The following STK10 variants were observed in gnomAD, a reference collection of about 807,000 sequenced individuals.
STK10 encodes the protein serine/threonine-protein kinase 10.
STK10 carries 78 observed loss-of-function variants against 113.8 expected under a neutral mutation model. That is an observed-to-expected ratio of 0.69 (90% CI 0.57 to 0.83). The LOEUF (loss-of-function observed/expected upper bound fraction) is 0.83, where lower values mean the gene tolerates loss of function less well. Among genes scored for constraint, STK10 ranks in the 40% least tolerant of loss-of-function variants. The pLI is 0.00. For missense variants in STK10, 1,109 were observed against 1,280.1 expected, an observed-to-expected ratio of 0.87 and a Z score of 2.04; for synonymous variants, 465 against 494.7, an observed-to-expected ratio of 0.94 and a Z score of 0.80.
chr5:172,093,748 C>T lies in STK10; in HGVS notation c.1218G>A (p.Val406=). 1.2e-6 allele frequency: 2 copies of T among 1,611,996 alleles called. No homozygotes were observed. The highest frequency in any genetic ancestry group is 1.7e-4 in the Middle Eastern group (1 of 6,052). ...VAPGNENGLA[V]PVPLRKSRPV... ...GTCGGGACTTCCGCAGGGGCACAGG[C>T]ACTGCCAGGCCGTTCTCATTTCCAG... Residue 406 remains valine (V), a synonymous_variant, in exon 9 of 19, where the codon GTG becomes GTA. Transcript: ENST00000176763. This position sits in a 1 kb window ranked among gnomAD's most constrained non-coding sequence, Gnocchi z 4.1.
chr5:172,168,859 C>G (rs965470236), intron 1 of STK10, among the ~76,000 whole-genome samples: 2 of 152,126 alleles, frequency 1.3e-5, no homozygotes, highest in African/African-American at 4.8e-5. Context: ...CCTCCTTCCC[C>G]TCTTTCCCTC....
chr5:172,184,107 C>G (rs1433400478), intron 1 of STK10, among the ~76,000 whole-genome samples: 1 of 152,178 alleles, frequency 6.6e-6, no homozygotes, highest in African/African-American at 2.4e-5. Flanking sequence ...AGTCCCTCCT[C>G]AGCTCCCTGC....
intron 2 of STK10, among the ~76,000 whole-genome samples, chr5:172,136,597 AAAATAAAT>A (rs58897747): frequency 0.099 from 15,030 of 151,178 alleles, 2,535 homozygotes; most frequent in African/African-American, 0.35. Context: ...ACTCCGTCTC[AAAATAAAT>A]AAATAAATAA....
chr5:172,136,628 A>C (rs1561821171), intron 2 of STK10, among the ~76,000 whole-genome samples: 2 of 152,104 alleles, frequency 1.3e-5, no homozygotes, highest in Non-Finnish European at 2.9e-5. Context: ...AAATAAAGTA[A>C]AGAAGTGAAA....
At position 172,082,250 on chromosome 5, in the gene STK10, GAGGC is replaced by G. The variant is rs1697322342; in HGVS notation, c.1989+72_1989+75del. On this transcript the variant is annotated intron_variant, in intron 12 of 18. Coordinates refer to ENST00000176763, the MANE Select transcript of STK10 (RefSeq NM_005990.4). This position sits in a 1 kb window ranked among gnomAD's most constrained non-coding sequence, Gnocchi z 4.3. ...ACCCCTCTGCTGCCAAGGTGAGGTT[GAGGC>G]CACGATCACTTGCAACCAAGAAGGC... 7.0e-7 allele frequency: 1 copy of G among 1,423,174 alleles called. No individual in the cohort carries two copies. The highest frequency in any genetic ancestry group is 9.2e-7 in the Non-Finnish European group (1 of 1,083,334). The allele number at this position is 1,423,174 out of a possible 1,614,324, so 88.2% of individuals were successfully genotyped here.
At chr5:172,052,493 T>C (rs1561787699) in intron 18 of STK10, among the ~76,000 whole-genome samples, 1 of 152,108 alleles carries the variant, frequency 6.6e-6, no homozygotes, top group Non-Finnish European at 1.5e-5. Context: ...TAAACGGGCG[T>C]TGGTTTAAGC....
At chr5:172,076,839 C>G (rs903434122) in intron 12 of STK10, among the ~76,000 whole-genome samples, 3 of 152,122 alleles carry the variant, frequency 2.0e-5, no homozygotes, top group Non-Finnish European at 4.4e-5. Context: ...TTAAAGGCCT[C>G]ACGAGCTTAA....
rs200484975 is a variant in STK10, at chr5:172,070,248, C to CA, written c.1990-5437dup. The stretch of plus-strand genomic sequence containing the variant: ...GGGCGACAAGAGCAAAATTCCACCT[C>CA]AAAAAAATATATATCTATATATCTA... On this transcript the variant is annotated intron_variant, in intron 12 of 18. Coordinates refer to ENST00000176763, the MANE Select transcript of STK10 (RefSeq NM_005990.4). Among the ~76,000 whole-genome samples, 1,185 of 144,154 alleles carry CA rather than the reference C, an allele frequency of 8.2e-3. 15 individuals are homozygous for CA. The highest frequency in any genetic ancestry group is 0.029 in the African/African-American group (1,122 of 38,356). The allele number at this position is 144,154 out of a possible 152,430, so 94.6% of individuals were successfully genotyped here.
Position 172,118,878 on chromosome 5 carries a change from C to CAAAAAAA in STK10, c.371-1255_371-1249dup, listed in dbSNP as rs3028101. Among the ~76,000 whole-genome samples, 44 of 71,304 alleles carry CAAAAAAA rather than the reference C, an allele frequency of 6.2e-4. 2 individuals carry two copies. Among genetic ancestry groups the CAAAAAAA allele is most frequent in the East Asian group, 1.2e-3 (3 of 2,412 alleles). 46.8% of individuals were successfully genotyped at this position (71,304 alleles called of 152,430 possible). A position where few individuals can be genotyped will look rare whatever the true frequency, so the allele number is the denominator to read the frequency against. ...TGGGTGACAGAGCGAGACTCAGTCT[C>CAAAAAAA]AAAAAAAAAAAAAAAAAAAGTGTCC... On this transcript the variant is annotated intron_variant, in intron 3 of 18. Transcript: ENST00000176763.
intron 7 of STK10, among the ~76,000 whole-genome samples, chr5:172,105,240 C>T (rs1769072443): frequency 6.6e-6 from 1 of 151,388 alleles, no homozygotes; most frequent in African/African-American, 2.4e-5. Flanking sequence ...CCTCCTCTCC[C>T]TCTGGGCCAC....
chr5:172,148,925 C>T (rs2113808737), intron 2 of STK10, among the ~76,000 whole-genome samples: 1 of 152,372 alleles, frequency 6.6e-6, no homozygotes, highest in East Asian at 1.9e-4. Context: ...GTGGCTCACG[C>T]CTATAATCCC....
At position 172,082,179 on chromosome 5, in the gene STK10, T is replaced by C; in HGVS notation, c.1989+147A>G. 1.2e-6 allele frequency: 1 copy of C among 814,790 alleles called. No homozygotes were observed. Among genetic ancestry groups the C allele is most frequent in the Non-Finnish European group, 1.7e-6 (1 of 574,264 alleles). 50.5% of individuals were successfully genotyped at this position (814,790 alleles called of 1,614,324 possible). ...AGAAGTGGCTCCTCATGGCGCAGCT[T>C]GGGCACACAGATCCAGGCTCACCTG... On this transcript the variant is annotated intron_variant, in intron 12 of 18. Coordinates refer to ENST00000176763, the MANE Select transcript of STK10 (RefSeq NM_005990.4). The surrounding 1 kb of genome is among the most constrained non-coding windows in gnomAD (Gnocchi z 4.3).
intron 4 of STK10, among the ~76,000 whole-genome samples, chr5:172,116,090 TGTTTTC>T (rs1430991875): frequency 1.3e-5 from 2 of 152,154 alleles, no homozygotes; most frequent in Non-Finnish European, 2.9e-5. Flanking sequence ...TTTTTGTTTT[TGTTTTC>T]GTGAAACAGG....
chr5:172,097,724 C>T (rs976964455), intron 7 of STK10, among the ~76,000 whole-genome samples: 1 of 152,066 alleles, frequency 6.6e-6, no homozygotes, highest in African/African-American at 2.4e-5. Flanking sequence ...GAGACATTCT[C>T]GTATATGTCT....
rs375937221 is a variant in STK10 at position 172,188,072 on chromosome 5, C to G, written c.-30G>C. On this transcript the variant is annotated 5_prime_UTR_variant, in exon 1 of 19. Coordinates refer to ENST00000176763, the MANE Select transcript of STK10 (RefSeq NM_005990.4). The surrounding 1 kb of genome is among the most constrained non-coding windows in gnomAD (Gnocchi z 5.6). The stretch of plus-strand genomic sequence containing the variant: ...GGGGGCGCGGTGGCGCCGGCTCGGG[C>G]TCGGGCTCGGGCTCGGGCTGTGGCT... The G allele has an allele frequency of 8.8e-6, 14 of 1,595,950 alleles. No homozygotes were observed. The South Asian group carries it at 1.5e-4, about 17-fold the overall frequency.
intron 1 of STK10, among the ~76,000 whole-genome samples, chr5:172,166,989 G>A (rs1384319468): frequency 6.6e-6 from 1 of 151,846 alleles, no homozygotes; most frequent in African/African-American, 2.4e-5. Flanking sequence ...GTGAAACCCC[G>A]TCTCTACTAA....
At chr5:172,135,261 C>T (rs1769828281) in intron 2 of STK10, among the ~76,000 whole-genome samples, 1 of 152,054 alleles carries the variant, frequency 6.6e-6, no homozygotes, top group Admixed American at 6.6e-5. Context: ...GTCTGTGATC[C>T]CAGCACTTTG....
chr5:172,185,518 C>T (rs1331955913), intron 1 of STK10, among the ~76,000 whole-genome samples: 1 of 152,224 alleles, frequency 6.6e-6, no homozygotes, highest in Non-Finnish European at 1.5e-5. Context: ...CTGCCTGCTT[C>T]AGCCTCCCAA....
intron 1 of STK10, among the ~76,000 whole-genome samples, chr5:172,182,254 G>T (rs1770870431): frequency 7.4e-6 from 1 of 134,868 alleles, no homozygotes. Context: ...GGTGAGCTGA[G>T]ATCGCACCAT....
Sources: allele counts gnomAD v4.1 joint callset (sites outside exome capture counted in the v4.1 genomes callset), GRCh38; gene constraint gnomAD v4.1.1; non-coding constraint Gnocchi (gnomAD v3.1); transcripts MANE v1.5; gene names NCBI Gene and HGNC (gene_info 2026-07-23, HGNC 2026-07-21).